Variants in SHROOM3 observed in about 807,000 individuals in gnomAD.
SHROOM3 encodes protein Shroom3.
In SHROOM3, 47 loss-of-function variants were observed where a neutral mutation model predicts 138.6. That is an observed-to-expected ratio of 0.34 (90% CI 0.27 to 0.43). The LOEUF is 0.43. Among genes scored for constraint, SHROOM3 ranks in the 20% least tolerant of loss-of-function variants. The pLI, the probability that SHROOM3 is intolerant of heterozygous loss-of-function variation, is 1.00. For synonymous variants in SHROOM3, 1,062 were observed against 1,063.3 expected (o/e 1.00, Z 0.02); for missense variants, 2,491 against 2,596.5 (o/e 0.96, Z 0.88).
At chr4:76,495,364 C>T (rs146173712) in intron 1 of SHROOM3, among the ~76,000 whole-genome samples, 23 of 152,330 alleles carry the variant, frequency 1.5e-4, no homozygotes, top group Admixed American at 2.0e-4. Flanking sequence ...ACCTTCCCCC[C>T]AGGGATGGCC....
chr4:76,492,259 A>G (rs949953354), intron 1 of SHROOM3, among the ~76,000 whole-genome samples: 3 of 152,182 alleles, frequency 2.0e-5, no homozygotes, highest in African/African-American at 4.8e-5. Context: ...TGCTGCCAGG[A>G]AGGCATGTTT....
At chr4:76,566,928 C>A (rs569168389) in intron 2 of SHROOM3, among the ~76,000 whole-genome samples, 1 of 152,236 alleles carries the variant, frequency 6.6e-6, no homozygotes, top group Non-Finnish European at 1.5e-5. Context: ...CTAAGACTAG[C>A]GTCTTTGTGC....
At chr4:76,576,009 T>G (rs986686997) in intron 2 of SHROOM3, among the ~76,000 whole-genome samples, 1 of 152,124 alleles carries the variant, frequency 6.6e-6, no homozygotes, top group Non-Finnish European at 1.5e-5. Flanking sequence ...CAAATCCTAG[T>G]GAGGATGTGG....
Position 76,603,193 on chromosome 4 carries a change from C to A in SHROOM3, c.323+47430C>A, listed in dbSNP as rs150688711. 2.0e-5 allele frequency among the ~76,000 whole-genome samples: 3 copies of A among 152,078 alleles called. No individual in the cohort carries two copies. In the South Asian group the frequency reaches 6.2e-4, roughly 32 times the overall value. ...CAGCACTTTGGAAGGCCGAGGAGAA[C>A]GGATCATGAAGTCAGGAGATCGAAA... On this transcript the variant is annotated intron_variant, in intron 2 of 10. Transcript: ENST00000296043.
intron 2 of SHROOM3, among the ~76,000 whole-genome samples, chr4:76,690,013 A>G (rs1719472674): frequency 6.6e-6 from 1 of 152,192 alleles, no homozygotes; most frequent in African/African-American, 2.4e-5. Context: ...TTTAATTTTG[A>G]TAAATTGCTT....
intron 1 of SHROOM3, among the ~76,000 whole-genome samples, chr4:76,453,683 G>A (rs184754592): frequency 1.1e-4 from 17 of 152,114 alleles, no homozygotes; most frequent in Non-Finnish European, 2.4e-4. Context: ...CATCTTCTTT[G>A]GTGAAATGTC....
intron 5 of SHROOM3, among the ~76,000 whole-genome samples, chr4:76,746,781 C>CGTT (rs1721447075): frequency 7.1e-6 from 1 of 140,588 alleles, no homozygotes; most frequent in Non-Finnish European, 1.5e-5. Flanking sequence ...TTTAGATTTA[C>CGTT]ATTATTATTA....
chr4:76,547,226 T>C (rs1168425874), intron 1 of SHROOM3, among the ~76,000 whole-genome samples: 2 of 152,184 alleles, frequency 1.3e-5, no homozygotes, highest in Non-Finnish European at 2.9e-5. Context: ...TAGGGACAAA[T>C]GTCTGGGCGA....
chr4:76,508,951 G>T (rs1450588778), intron 1 of SHROOM3, among the ~76,000 whole-genome samples: 1 of 152,140 alleles, frequency 6.6e-6, no homozygotes, highest in Non-Finnish European at 1.5e-5. Context: ...GTGGAAGGCG[G>T]AAGGACAAAG....
In SHROOM3 at chr4:76,782,195, G is replaced by GTGCC. The variant is rs1192828983; in HGVS notation, c.*3021_*3024dup. 1.3e-5 allele frequency: 2 copies of GTGCC among 152,206 alleles called. No homozygotes were observed. Among genetic ancestry groups the GTGCC allele is most frequent in the African/African-American group, 4.8e-5 (2 of 41,440 alleles). 9.4% of individuals were successfully genotyped at this position (152,206 alleles called of 1,614,324 possible). A position where few individuals can be genotyped will look rare whatever the true frequency, so the allele number is the denominator to read the frequency against. On this transcript the variant is annotated 3_prime_UTR_variant, in exon 11 of 11. Coordinates refer to ENST00000296043, the MANE Select transcript of SHROOM3 (RefSeq NM_020859.4). ...AATGAAGGGAGGATCCACAGTGAAAGTGCCTGAGTTTCTCTATGAGACCAG... is the reference window on the plus strand; with the variant it reads ...AATGAAGGGAGGATCCACAGTGAAAGTGCCTGCCTGAGTTTCTCTATGAGACCAG...
chr4:76,581,821 G>A (rs1311172734), intron 2 of SHROOM3, among the ~76,000 whole-genome samples: 1 of 152,148 alleles, frequency 6.6e-6, no homozygotes, highest in Non-Finnish European at 1.5e-5. Context: ...TGCAGAGTTG[G>A]GCTAAACTAA....
intron 2 of SHROOM3, among the ~76,000 whole-genome samples, chr4:76,592,743 T>C (rs1734300192): frequency 6.6e-6 from 1 of 152,212 alleles, no homozygotes; most frequent in Non-Finnish European, 1.5e-5. Context: ...ACAAAAGTCT[T>C]ATTGAATTCC....
chr4:76,445,251 G>A (rs1730781843), intron 1 of SHROOM3, among the ~76,000 whole-genome samples: 1 of 152,190 alleles, frequency 6.6e-6, no homozygotes, highest in Admixed American at 6.5e-5. Context: ...ATCATGGCCA[G>A]CAGTTGCTAC....
chr4:76,759,919 G>A (rs1721940467), intron 9 of SHROOM3, among the ~76,000 whole-genome samples: 1 of 152,128 alleles, frequency 6.6e-6, no homozygotes, highest in Admixed American at 6.5e-5. Flanking sequence ...TGTACTTTTC[G>A]TTTTTACAAA....
chr4:76,659,981 C>T lies in SHROOM3; in HGVS notation c.324-50175C>T, dbSNP rs77468397. Among the ~76,000 whole-genome samples the T allele has an allele frequency of 0.013, 2,009 of 152,254 alleles. 164 individuals carry two copies. In the East Asian group the frequency reaches 0.24, roughly 18 times the overall value. ...GCTGAATAAACCAAGAATGAAGCTG[C>T]GCAGGGGTATTCCCAGAGGCTGTGC... On this transcript the variant is annotated intron_variant, in intron 2 of 10. Coordinates refer to ENST00000296043, the MANE Select transcript of SHROOM3 (RefSeq NM_020859.4).
At chr4:76,668,693 A>G (rs1718791064) in intron 2 of SHROOM3, among the ~76,000 whole-genome samples, 1 of 152,226 alleles carries the variant, frequency 6.6e-6, no homozygotes, top group Admixed American at 6.5e-5. Context: ...TCAGATTCCG[A>G]TTTGACAGGC....
At chr4:76,556,312 C>G (rs1021502871) in intron 2 of SHROOM3, among the ~76,000 whole-genome samples, 1 of 152,156 alleles carries the variant, frequency 6.6e-6, no homozygotes, top group Admixed American at 6.5e-5. Context: ...GGGAACCAAC[C>G]CTTCGTGGAG....
intron 1 of SHROOM3, among the ~76,000 whole-genome samples, chr4:76,510,131 T>TA (rs755867632): frequency 2.0e-5 from 3 of 152,214 alleles, no homozygotes; most frequent in Non-Finnish European, 4.4e-5. Context: ...CTTTTCCTTC[T>TA]ATAAATCTAT....
chr4:76,458,175 G>T lies in SHROOM3; in HGVS notation c.168+21955G>T, dbSNP rs61288476. The stretch of plus-strand genomic sequence containing the variant: ...AGAACGGACTAATACAACATGGAAA[G>T]ATATTATATATTCATATTCATATAT... On this transcript the variant is annotated intron_variant, in intron 1 of 10. Coordinates refer to ENST00000296043, the MANE Select transcript of SHROOM3 (RefSeq NM_020859.4). 1.5e-3 allele frequency among the ~76,000 whole-genome samples: 230 copies of T among 152,308 alleles called. 2 individuals are homozygous for T. Among genetic ancestry groups the T allele is most frequent in the African/African-American group, 5.1e-3 (211 of 41,570 alleles).
Sources: gnomAD v4.1 joint callset for allele counts (sites outside exome capture counted in the v4.1 genomes callset) on GRCh38, gnomAD v4.1.1 for gene constraint, MANE v1.5 for transcripts, NCBI Gene and HGNC (gene_info 2026-07-23, HGNC 2026-07-21) for gene names.